Variants in NCAM1 observed in about 807,000 individuals in gnomAD.
NCAM1 encodes neural cell adhesion molecule 1.
Under a neutral mutation model 109.8 loss-of-function variants are expected in NCAM1, and 14 were observed. The observed-to-expected ratio is 0.13, with a 90% confidence interval of 0.08 to 0.20. The LOEUF is 0.20. NCAM1 is among the 10% of genes least tolerant of loss of function. The pLI is 1.00. For synonymous variants in NCAM1, 418 were observed against 442.9 expected, an observed-to-expected ratio of 0.94 and a Z score of 0.70; for missense variants, 774 against 1,109.9, an observed-to-expected ratio of 0.70 and a Z score of 4.30.
intron 14 of NCAM1, chr11:113,235,370 G>A: frequency 8.9e-7 from 1 of 1,129,576 alleles, no homozygotes; most frequent in South Asian, 1.2e-5. Context: ...TCTCCAAGGG[G>A]TTGGGGACAC....
intron 1 of NCAM1, among the ~76,000 whole-genome samples, chr11:113,036,757 C>T (rs1952903491): frequency 6.6e-6 from 1 of 152,144 alleles, no homozygotes; most frequent in Non-Finnish European, 1.5e-5. Context: ...TACCCCGCCC[C>T]ACCTCAAATA....
chr11:113,229,645 A>G (rs943097782), intron 9 of NCAM1, among the ~76,000 whole-genome samples: 2 of 152,234 alleles, frequency 1.3e-5, no homozygotes, highest in African/African-American at 4.8e-5. Flanking sequence ...TATGTTTATT[A>G]CAGCAGTGCT....
intron 1 of NCAM1, among the ~76,000 whole-genome samples, chr11:113,188,108 C>T (rs953141775): frequency 3.3e-5 from 5 of 152,174 alleles, no homozygotes; most frequent in Admixed American, 6.5e-5. Flanking sequence ...AGTCCTGTAA[C>T]ATATTCAGAA....
chr11:113,110,629 GTTTACTAT>G (rs2135949649), intron 1 of NCAM1, among the ~76,000 whole-genome samples: 1 of 152,288 alleles, frequency 6.6e-6, no homozygotes, highest in Non-Finnish European at 1.5e-5. Flanking sequence ...GGTGGCTGGT[GTTTACTAT>G]TAATATTCCC....
chr11:113,051,837 A>T (rs1953505731), intron 1 of NCAM1, among the ~76,000 whole-genome samples: 1 of 152,182 alleles, frequency 6.6e-6, no homozygotes, highest in Non-Finnish European at 1.5e-5. Flanking sequence ...TTTTTACATT[A>T]ATTTGATTTT....
intron 1 of NCAM1, among the ~76,000 whole-genome samples, chr11:112,964,121 T>C (rs555344273): frequency 7.2e-4 from 108 of 149,226 alleles, no homozygotes; most frequent in African/African-American, 2.6e-3. Context: ...TATGTATATA[T>C]ATCTGAGGTT....
chr11:113,228,744 A>G (rs1319250809), intron 9 of NCAM1, among the ~76,000 whole-genome samples: 1 of 152,212 alleles, frequency 6.6e-6, no homozygotes, highest in African/African-American at 2.4e-5. Context: ...GATACAGACC[A>G]ATGGAACAGA....
intron 1 of NCAM1, among the ~76,000 whole-genome samples, chr11:113,102,112 C>A (rs999130139): frequency 3.3e-5 from 5 of 152,164 alleles, no homozygotes; most frequent in African/African-American, 1.2e-4. Flanking sequence ...TTGTAATAAA[C>A]TCTACCCTTG....
chr11:113,038,394 G>T (rs1187658953), intron 1 of NCAM1, among the ~76,000 whole-genome samples: 2 of 152,124 alleles, frequency 1.3e-5, no homozygotes, highest in Non-Finnish European at 2.9e-5. Flanking sequence ...AAAAGAAAGG[G>T]ACTCTCCCAT....
chr11:113,224,115 G>T (rs529137352), intron 9 of NCAM1, among the ~76,000 whole-genome samples: 3 of 152,360 alleles, frequency 2.0e-5, no homozygotes, highest in African/African-American at 7.2e-5. Flanking sequence ...CACCGAGCGT[G>T]AGCCGAAGCA....
At chr11:113,095,577 G>A (rs1434943471) in intron 1 of NCAM1, among the ~76,000 whole-genome samples, 5 of 152,220 alleles carry the variant, frequency 3.3e-5, no homozygotes, top group African/African-American at 1.2e-4. Context: ...GGACCACACC[G>A]AGCTAAGACT....
rs1430731231 is a variant in NCAM1 at position 112,963,072 on chromosome 11, G to T, written c.52+1408G>T. 1.3e-5 allele frequency: 2 copies of T among 152,322 alleles called. No individual in the cohort carries two copies. The highest frequency in any genetic ancestry group is 1.3e-4 in the Admixed American group (2 of 15,290). 9.4% of individuals were successfully genotyped at this position (152,322 alleles called of 1,614,324 possible). ...CGGCCGCCGCCTCCAGCCAACTCGG[G>T]TCCCTCCCACGGCGACCAATCAGTG... is the stretch of plus-strand genomic sequence containing the variant. On this transcript the variant is annotated intron_variant, in intron 1 of 19. Coordinates refer to ENST00000316851, the MANE Select transcript of NCAM1 (RefSeq NM_181351.5). The surrounding 1 kb of genome is among the most constrained non-coding windows in gnomAD (Gnocchi z 4.6).
At chr11:113,196,137 CT>C (rs1943849377) in intron 1 of NCAM1, among the ~76,000 whole-genome samples, 1 of 152,130 alleles carries the variant, frequency 6.6e-6, no homozygotes, top group African/African-American at 2.4e-5. Context: ...ACTGTCAGAG[CT>C]GGAATTTGAA....
intron 17 of NCAM1, among the ~76,000 whole-genome samples, chr11:113,261,627 C>T (rs1379877780): frequency 6.6e-6 from 1 of 152,156 alleles, no homozygotes; most frequent in Non-Finnish European, 1.5e-5. Flanking sequence ...GGAGGTTCTC[C>T]TTGCTTTTCC....
intron 9 of NCAM1, among the ~76,000 whole-genome samples, chr11:113,230,487 G>A (rs1255643734): frequency 6.6e-6 from 1 of 152,206 alleles, no homozygotes; most frequent in Non-Finnish European, 1.5e-5. Flanking sequence ...TAAATCTGCT[G>A]AGACTGCTGA....
chr11:113,052,799 G>C (rs142124979), intron 1 of NCAM1, among the ~76,000 whole-genome samples: 1 of 152,048 alleles, frequency 6.6e-6, no homozygotes, highest in Admixed American at 6.6e-5. Context: ...CATCGCCTAG[G>C]TATTAAGCCC....
chr11:113,227,514 C>T (rs2137174398), intron 9 of NCAM1, among the ~76,000 whole-genome samples: 1 of 152,126 alleles, frequency 6.6e-6, no homozygotes, highest in Non-Finnish European at 1.5e-5. Context: ...CAAGGAGGAG[C>T]TGGTACCATT....
chr11:113,214,658 C>T (rs969967771), intron 8 of NCAM1, 147 bp downstream of exon 8: 1 of 835,956 alleles, frequency 1.2e-6, no homozygotes, highest in Non-Finnish European at 1.8e-6. Flanking sequence ...CCCTCCCCAA[C>T]CCTGCAGGAC....
intron 1 of NCAM1, among the ~76,000 whole-genome samples, chr11:112,995,487 G>A (rs1251799341): frequency 6.6e-6 from 1 of 152,142 alleles, no homozygotes; most frequent in Non-Finnish European, 1.5e-5. Context: ...GTTTACAACA[G>A]TACTTTTTAC....
Sources: allele counts gnomAD v4.1 joint callset (sites outside exome capture counted in the v4.1 genomes callset), GRCh38; gene constraint gnomAD v4.1.1; non-coding constraint Gnocchi (gnomAD v3.1); transcripts MANE v1.5; gene names NCBI Gene and HGNC (gene_info 2026-07-23, HGNC 2026-07-21).